Variants in ABLIM1 observed in about 807,000 individuals in gnomAD.
ABLIM1 encodes actin-binding LIM protein 1.
In ABLIM1, 40 loss-of-function variants were observed where a neutral mutation model predicts 107.0. The observed-to-expected ratio is 0.37, with a 90% CI of 0.29 to 0.49. ABLIM1 has a LOEUF of 0.49. Among genes scored for constraint, ABLIM1 ranks in the 20% least tolerant of loss-of-function variants. The pLI is 0.97. For synonymous variants in ABLIM1, 357 were observed against 357.3 expected, an observed-to-expected ratio of 1.00 and a Z score of 0.01; for missense variants, 857 against 1,008.5, an observed-to-expected ratio of 0.85 and a Z score of 2.04.
At chr10:114,789,405 A>G in the ABLIM1 span, among the ~76,000 whole-genome samples, 1 of 152,202 alleles carries the variant, frequency 6.6e-6, no homozygotes, top group Non-Finnish European at 1.5e-5. Flanking sequence ...TGTCTCTGCT[A>G]CCATCTTGCT....
chr10:114,548,095 A>C (rs1481027958), intron 4 of ABLIM1, among the ~76,000 whole-genome samples: 2 of 152,164 alleles, frequency 1.3e-5, no homozygotes, highest in Non-Finnish European at 2.9e-5. Flanking sequence ...ATTTAATTAT[A>C]GTGTCTTGGC....
At chr10:114,767,496 T>A (rs2082924791) in intron 1 of ABLIM1, among the ~76,000 whole-genome samples, 1 of 152,112 alleles carries the variant, frequency 6.6e-6, no homozygotes, top group African/African-American at 2.4e-5. Context: ...TGAAAAGCAA[T>A]TCTGATTTTT....
chr10:114,438,408 T>C (rs544461133), intron 21 of ABLIM1, among the ~76,000 whole-genome samples: 2 of 152,108 alleles, frequency 1.3e-5, no homozygotes, highest in Admixed American at 6.5e-5. Flanking sequence ...TATAGGCACA[T>C]GTCGTCATGC....
Position 114,526,914 on chromosome 10 carries a change from GCCTC to G in ABLIM1, c.894+18087_894+18090del. On this transcript the variant is annotated intron_variant, in intron 6 of 22. Coordinates refer to ENST00000533213, the MANE Select transcript of ABLIM1 (RefSeq NM_002313.7). ...GCGGCGGGCAGGCACGCTCTCTCAC[GCCTC>G]CTCTCCTCGCTTTACTTACTAGTTC... 6.1e-6 allele frequency: 6 copies of G among 985,478 alleles called. 1 individual carries two copies. In the South Asian group the frequency reaches 2.8e-4, roughly 46 times the overall value. The allele number at this position is 985,478 out of a possible 1,614,324, so 61.0% of individuals were successfully genotyped here.
chr10:114,565,856 G>A (rs1405297050), intron 4 of ABLIM1, among the ~76,000 whole-genome samples: 3 of 140,928 alleles, frequency 2.1e-5, no homozygotes, highest in Admixed American at 7.3e-5. Flanking sequence ...GTGCAGTGGT[G>A]TGATCTCGGC....
intron 1 of ABLIM1, among the ~76,000 whole-genome samples, chr10:114,664,236 G>A (rs899337469): frequency 7.9e-5 from 12 of 152,114 alleles, no homozygotes; most frequent in Non-Finnish European, 1.5e-4. Context: ...TCAGTGCCAG[G>A]CCCTTCTCTA....
intron 1 of ABLIM1, among the ~76,000 whole-genome samples, chr10:114,756,043 CTTAA>C (rs2082622221): frequency 6.6e-6 from 1 of 151,204 alleles, no homozygotes; most frequent in South Asian, 2.1e-4. Context: ...TTATTAAATA[CTTAA>C]TTATTTAATC....
At chr10:114,439,084 C>T (rs1165370023) in intron 21 of ABLIM1, 92 bp downstream of exon 21, 5 of 1,496,116 alleles carry the variant, frequency 3.3e-6, no homozygotes, top group Middle Eastern at 3.4e-4. Flanking sequence ...CACCAGCCTA[C>T]AACACTTTGA....
At chr10:114,692,243 G>T (rs1222796577) in intron 1 of ABLIM1, among the ~76,000 whole-genome samples, 1 of 152,210 alleles carries the variant, frequency 6.6e-6, no homozygotes, top group Non-Finnish European at 1.5e-5. Flanking sequence ...ACCAATGAAA[G>T]CAAGCATTTT....
At chr10:114,520,121 C>G (rs886782128) in intron 6 of ABLIM1, among the ~76,000 whole-genome samples, 2 of 152,264 alleles carry the variant, frequency 1.3e-5, no homozygotes, top group Non-Finnish European at 2.9e-5. Flanking sequence ...CTGCTGAAGC[C>G]TCTGGGCAGG....
At chr10:114,463,933 T>A (rs1217497519) in intron 12 of ABLIM1, among the ~76,000 whole-genome samples, 1 of 152,114 alleles carries the variant, frequency 6.6e-6, no homozygotes, top group Non-Finnish European at 1.5e-5. Context: ...ATACATGTAA[T>A]ATATTGTGAA....
intron 2 of ABLIM1, among the ~76,000 whole-genome samples, chr10:114,595,601 C>T (rs907609657): frequency 1.3e-5 from 2 of 152,208 alleles, no homozygotes; most frequent in Non-Finnish European, 2.9e-5. Flanking sequence ...AATAGCTCCA[C>T]TCAGAACCCT....
At chr10:114,728,741 A>G (rs2082014027) in intron 1 of ABLIM1, among the ~76,000 whole-genome samples, 1 of 152,098 alleles carries the variant, frequency 6.6e-6, no homozygotes. Flanking sequence ...ACCAAATTCA[A>G]TTACCTCTGG....
intron 1 of ABLIM1, among the ~76,000 whole-genome samples, chr10:114,758,029 C>T (rs1021202796): frequency 1.3e-5 from 2 of 151,914 alleles, no homozygotes; most frequent in African/African-American, 4.8e-5. Flanking sequence ...TCTTCATGAC[C>T]CCTCACTTCC....
chr10:114,741,782 C>A (rs1016212928), intron 1 of ABLIM1, among the ~76,000 whole-genome samples: 1 of 152,140 alleles, frequency 6.6e-6, no homozygotes, highest in Non-Finnish European at 1.5e-5. Context: ...TAATAAGATT[C>A]TTTTTGTTCA....
intron 10 of ABLIM1, among the ~76,000 whole-genome samples, chr10:114,470,434 A>G (rs999861526): frequency 2.0e-5 from 3 of 151,916 alleles, no homozygotes; most frequent in Admixed American, 6.6e-5. Context: ...AAAAAAAAAA[A>G]AAAAAAAAAG....
intron 1 of ABLIM1, among the ~76,000 whole-genome samples, chr10:114,757,168 A>G: frequency 6.6e-6 from 1 of 152,236 alleles, no homozygotes; most frequent in East Asian, 1.9e-4. Flanking sequence ...ATGAGAAACC[A>G]TAAATAATTA....
chr10:114,448,650 G>A (rs2061413244), intron 14 of ABLIM1, among the ~76,000 whole-genome samples: 1 of 146,024 alleles, frequency 6.8e-6, no homozygotes, highest in Non-Finnish European at 1.5e-5. Context: ...GTCTCACTCT[G>A]TCGCCCAGGC....
At chr10:114,592,891 T>A (rs2483582) in intron 2 of ABLIM1, among the ~76,000 whole-genome samples, 144,481 of 152,192 alleles carry the variant, frequency 0.95, 68,609 homozygotes, top group East Asian at 1. Flanking sequence ...GCTAGTAATC[T>A]GGAGAGTTTG....
Sources: gnomAD v4.1 joint callset for allele counts (sites outside exome capture counted in the v4.1 genomes callset) on GRCh38, gnomAD v4.1.1 for gene constraint, MANE v1.5 for transcripts, NCBI Gene and HGNC (gene_info 2026-07-23, HGNC 2026-07-21) for gene names.